Variants in CNTNAP2 observed in about 807,000 individuals in gnomAD.
The protein encoded by CNTNAP2 is contactin associated protein 2.
A neutral mutation model predicts 155.2 loss-of-function variants in CNTNAP2; 98 were observed. The ratio of observed to expected loss-of-function variants is 0.63; its 90% CI spans 0.54 to 0.75. CNTNAP2 has a LOEUF of 0.75. Among genes scored for constraint, CNTNAP2 ranks in the 30% least tolerant of loss-of-function variants. CNTNAP2 has a pLI of 0.00. For missense variants in CNTNAP2, 1,727 were observed against 1,688.1 expected, an observed-to-expected ratio of 1.02 and a Z score of -0.40; for synonymous variants, 651 against 631.2, an observed-to-expected ratio of 1.03 and a Z score of -0.47.
intron 3 of CNTNAP2, among the ~76,000 whole-genome samples, chr7:146,933,461 G>A (rs1361838133): frequency 6.5e-4 from 98 of 151,316 alleles, no homozygotes; most frequent in Admixed American, 1.1e-3. Context: ...AGACTTAAAT[G>A]TTAGACCTAA....
At chr7:147,433,112 G>A (rs1797493007) in intron 10 of CNTNAP2, among the ~76,000 whole-genome samples, 1 of 152,150 alleles carries the variant, frequency 6.6e-6, no homozygotes, top group South Asian at 2.1e-4. Flanking sequence ...ACTAAAAAAT[G>A]TCCTTGTTAT....
chr7:146,154,163 T>C (rs1798091517), intron 1 of CNTNAP2, among the ~76,000 whole-genome samples: 1 of 152,164 alleles, frequency 6.6e-6, no homozygotes, highest in South Asian at 2.1e-4. Context: ...AGTTTTACAA[T>C]GGATGGTTTG....
chr7:148,388,914 C>T (rs978574096), intron 22 of CNTNAP2, among the ~76,000 whole-genome samples: 4 of 152,094 alleles, frequency 2.6e-5, no homozygotes, highest in African/African-American at 4.8e-5. Context: ...GAGGAGTACC[C>T]GGCCATGTGA....
intron 10 of CNTNAP2, among the ~76,000 whole-genome samples, chr7:147,415,306 C>T (rs1351590345): frequency 2.6e-5 from 4 of 152,300 alleles, no homozygotes; most frequent in East Asian, 1.9e-4. Flanking sequence ...TCAGTTCAAG[C>T]TAGTCCAATT....
intron 8 of CNTNAP2, among the ~76,000 whole-genome samples, chr7:147,203,634 TAAA>T (rs1802964016): frequency 6.6e-6 from 1 of 152,204 alleles, no homozygotes; most frequent in Non-Finnish European, 1.5e-5. Flanking sequence ...TGATATAATT[TAAA>T]ACTATATTAT....
rs964197289 is a variant in CNTNAP2 at position 147,788,905 on chromosome 7, T to TC, written c.2099-114660_2099-114659insC. ...TATACTTTTTTTTTCTTTTTCTTTTTTTTTTTTTTTTTTTTTTGAGACAGT... is the reference window on the plus strand; with the variant it reads ...TATACTTTTTTTTTCTTTTTCTTTTTCTTTTTTTTTTTTTTTTTGAGACAGT... On this transcript the variant is annotated intron_variant, in intron 13 of 23. Coordinates refer to ENST00000361727, the MANE Select transcript of CNTNAP2 (RefSeq NM_014141.6). Among the ~76,000 whole-genome samples the TC allele has an allele frequency of 5.8e-5, 7 of 121,696 alleles. No homozygotes were observed. The East Asian group carries it at 6.0e-4, about 10-fold the overall frequency. 79.8% of individuals were successfully genotyped at this position (121,696 alleles called of 152,430 possible).
chr7:147,968,758 C>G (rs1801272953), intron 14 of CNTNAP2, among the ~76,000 whole-genome samples: 1 of 152,190 alleles, frequency 6.6e-6, no homozygotes, highest in African/African-American at 2.4e-5. Flanking sequence ...CTCTCTCTCT[C>G]CCATTCACCC....
At chr7:148,410,251 G>A (rs1799803744) in intron 23 of CNTNAP2, among the ~76,000 whole-genome samples, 1 of 145,486 alleles carries the variant, frequency 6.9e-6, no homozygotes, top group Non-Finnish European at 1.5e-5. Context: ...CATCCAAAAT[G>A]GTCCAGGATA....
At chr7:146,315,638 T>C (rs1188749788) in intron 1 of CNTNAP2, among the ~76,000 whole-genome samples, 1 of 152,182 alleles carries the variant, frequency 6.6e-6, no homozygotes, top group Non-Finnish European at 1.5e-5. Context: ...TGACTTCCTG[T>C]GTTGAATATT....
intron 13 of CNTNAP2, among the ~76,000 whole-genome samples, chr7:147,656,216 A>G (rs1486978770): frequency 6.6e-6 from 1 of 152,258 alleles, no homozygotes; most frequent in Non-Finnish European, 1.5e-5. Context: ...AACTTTCTCC[A>G]TATCAGCAAT....
intron 9 of CNTNAP2, among the ~76,000 whole-genome samples, chr7:147,368,874 T>G (rs563085661): frequency 4.6e-5 from 7 of 152,352 alleles, no homozygotes; most frequent in African/African-American, 1.7e-4. Flanking sequence ...ATGTATAAGA[T>G]GCCAACATGA....
rs111411391 is a variant in CNTNAP2, at chr7:147,223,977, G to T, written c.1349-76164G>T. Among the ~76,000 whole-genome samples the T allele has an allele frequency of 3.2e-3, 482 of 149,938 alleles. 5 individuals are homozygous for T. Among genetic ancestry groups the T allele is most frequent in the African/African-American group, 0.011 (450 of 40,948 alleles). ...AAAAAGAAAGAAAGAAAAAAGAAAA[G>T]AAAAAAGAAAAATAACTACAAGCAA... is the stretch of plus-strand genomic sequence containing the variant. On this transcript the variant is annotated intron_variant, in intron 8 of 23. Transcript: ENST00000361727.
chr7:148,108,905 CTTCATA>C (rs1394608358), intron 15 of CNTNAP2, among the ~76,000 whole-genome samples: 1 of 152,164 alleles, frequency 6.6e-6, no homozygotes, highest in Non-Finnish European at 1.5e-5. Context: ...AATTATTTCA[CTTCATA>C]TTCATAAATC....
intron 1 of CNTNAP2, among the ~76,000 whole-genome samples, chr7:146,722,158 G>T (rs1447387455): frequency 4.6e-5 from 7 of 151,798 alleles, no homozygotes; most frequent in Admixed American, 3.3e-4. Context: ...CCAAAGTGCT[G>T]GGATTACAGG....
intron 20 of CNTNAP2, among the ~76,000 whole-genome samples, chr7:148,236,197 TACTC>T (rs1287184728): frequency 6.6e-6 from 1 of 152,184 alleles, no homozygotes. Flanking sequence ...ATCTTAGACT[TACTC>T]AATCATTTGC....
Position 147,520,062 on chromosome 7 carries a change from T to C in CNTNAP2, c.1777+34021T>C, listed in dbSNP as rs1799206157. ...CATTGAAAGCTTTGGAAGGCTTCTT[T>C]CCAAAAATAATCTTTTAGAAAAAGT... On this transcript the variant is annotated intron_variant, in intron 11 of 23. Transcript: ENST00000361727. 5.9e-5 allele frequency among the ~76,000 whole-genome samples: 9 copies of C among 152,272 alleles called. No homozygotes were observed. The South Asian group carries it at 1.9e-3, about 32-fold the overall frequency.
chr7:148,033,451 C>A (rs1802519366), intron 15 of CNTNAP2, among the ~76,000 whole-genome samples: 1 of 151,382 alleles, frequency 6.6e-6, no homozygotes, highest in Non-Finnish European at 1.5e-5. Flanking sequence ...CCTATTGACC[C>A]ATCCTCTAAG....
chr7:148,202,869 G>A (rs958391356), intron 18 of CNTNAP2, among the ~76,000 whole-genome samples: 6 of 152,128 alleles, frequency 3.9e-5, no homozygotes, highest in African/African-American at 9.7e-5. Context: ...TACAACAAAC[G>A]CGTGGCCTAA....
intron 13 of CNTNAP2, among the ~76,000 whole-genome samples, chr7:147,856,588 T>C (rs1233025544): frequency 6.6e-6 from 1 of 151,656 alleles, no homozygotes; most frequent in Non-Finnish European, 1.5e-5. Flanking sequence ...TACTTATCTG[T>C]TGACACAAAG....
Sources: gnomAD v4.1 joint callset for allele counts (sites outside exome capture counted in the v4.1 genomes callset) on GRCh38, gnomAD v4.1.1 for gene constraint, MANE v1.5 for transcripts, NCBI Gene and HGNC (gene_info 2026-07-23, HGNC 2026-07-21) for gene names.